UTRN: variants seen among roughly 807,000 people sequenced by gnomAD.
The protein encoded by UTRN is utrophin, also known as dystrophin-related protein 1.
UTRN carries 283 observed loss-of-function variants against 463.9 expected under a neutral mutation model. That is an observed-to-expected ratio of 0.61 (90% CI 0.55 to 0.67). UTRN has a LOEUF of 0.67. UTRN is among the 30% of genes least tolerant of loss of function. The pLI, the probability that UTRN is intolerant of heterozygous loss-of-function variation, is 0.00. For missense variants in UTRN, 3,922 were observed against 4,084.3 expected (o/e 0.96, Z 1.08); for synonymous variants, 1,442 against 1,431.5 (o/e 1.01, Z -0.17).
chr6:144,475,125 G>A (rs1285279636), intron 25 of UTRN, among the ~76,000 whole-genome samples: 1 of 152,180 alleles, frequency 6.6e-6, no homozygotes. Context: ...CATTGAACAA[G>A]GAAGAAGAAA....
intron 53 of UTRN, among the ~76,000 whole-genome samples, chr6:144,725,088 C>T (rs1030984436): frequency 3.9e-5 from 6 of 152,160 alleles, no homozygotes; most frequent in Admixed American, 1.3e-4. Flanking sequence ...TAATAATCCC[C>T]GCATGTCATG....
At chr6:144,565,358 C>T (rs1468606549) in intron 50 of UTRN, among the ~76,000 whole-genome samples, 2 of 152,158 alleles carry the variant, frequency 1.3e-5, no homozygotes, top group African/African-American at 4.8e-5. Context: ...TAATCTGGAA[C>T]TCAGATGTTC....
intron 51 of UTRN, among the ~76,000 whole-genome samples, chr6:144,586,844 G>A (rs1369011092): frequency 2.0e-5 from 3 of 152,040 alleles, no homozygotes; most frequent in Non-Finnish European, 4.4e-5. Flanking sequence ...CGTGACTCAA[G>A]CATTTTAGAA....
chr6:144,806,847 A>ATTG (rs1778193355), intron 65 of UTRN, among the ~76,000 whole-genome samples: 3 of 102,162 alleles, frequency 2.9e-5, no homozygotes, highest in African/African-American at 6.7e-5. Context: ...CTCAATGTAG[A>ATTG]AAACAGGAAA....
chr6:144,487,654 A>C lies in UTRN; in HGVS notation c.3929A>C (p.Lys1310Thr), dbSNP rs1161804346. ...GGILDDIISE[K>T]LEAFNSRYED... ...ATCCTGGATGATATAATCAGTGAGAAACTGGAGGCTTTCAACAGCCGATAT... is the reference window on the plus strand; with the variant it reads ...ATCCTGGATGATATAATCAGTGAGACACTGGAGGCTTTCAACAGCCGATAT... The change falls in exon 29 of 75, where the codon AAA (lysine) becomes ACA (threonine). Residue 1310 changes from lysine to threonine, a missense_variant. Lys to Thr is a moderately conservative substitution (Grantham distance 78). Transcript: ENST00000367545. The C allele has an allele frequency of 3.1e-6, 5 of 1,612,868 alleles. No individual in the cohort carries two copies. The South Asian group carries it at 5.5e-5, about 18-fold the overall frequency.
At chr6:144,545,172 C>T (rs868685045) in intron 46 of UTRN, among the ~76,000 whole-genome samples, 4 of 152,162 alleles carry the variant, frequency 2.6e-5, no homozygotes, top group South Asian at 2.1e-4. Context: ...CACCTACTTC[C>T]GTGGTCTTGA....
intron 51 of UTRN, among the ~76,000 whole-genome samples, chr6:144,653,213 T>C (rs1054840607): frequency 6.6e-6 from 1 of 152,154 alleles, no homozygotes; most frequent in African/African-American, 2.4e-5. Flanking sequence ...TAACTACATA[T>C]CACTCCCCCC....
At chr6:144,428,223 A>G (rs6570628) in intron 7 of UTRN, among the ~76,000 whole-genome samples, 140,248 of 152,232 alleles carry the variant, frequency 0.92, 64,706 homozygotes, top group Middle Eastern at 0.96. Context: ...GCATGGAAGC[A>G]GGGGATTGGA....
chr6:144,496,817 T>G (rs1315212998), intron 33 of UTRN, among the ~76,000 whole-genome samples: 1 of 152,184 alleles, frequency 6.6e-6, no homozygotes, highest in Non-Finnish European at 1.5e-5. Context: ...AAGGCTTCCC[T>G]GAGGAGGTGA....
chr6:144,331,079 C>A, intron 2 of UTRN: 1 of 941,600 alleles, frequency 1.1e-6, no homozygotes, highest in Non-Finnish European at 1.3e-6. Context: ...TGAAAGGAAG[C>A]CGAGGCATGA....
At chr6:144,351,952 C>T (rs1778147234) in intron 2 of UTRN, among the ~76,000 whole-genome samples, 2 of 152,200 alleles carry the variant, frequency 1.3e-5, no homozygotes, top group African/African-American at 4.8e-5. Flanking sequence ...TTTCTCCTGG[C>T]TCAGCCAGTC....
rs530518657 is a variant in UTRN at position 144,574,127 on chromosome 6, A to G, written c.7290-2972A>G. On this transcript the variant is annotated intron_variant, in intron 50 of 74. Coordinates refer to ENST00000367545, the MANE Select transcript of UTRN (RefSeq NM_007124.3). ...GTGGACACAATATTAAGAATATTCT[A>G]GAGAAAAAGGAGCACACCACTATTA... is the stretch of plus-strand genomic sequence containing the variant. 4.5e-4 allele frequency among the ~76,000 whole-genome samples: 69 copies of G among 152,332 alleles called. No individual in the cohort carries two copies. In the South Asian group the frequency reaches 0.014, roughly 31 times the overall value.
chr6:144,451,104 T>TC (rs1788248835), intron 17 of UTRN, among the ~76,000 whole-genome samples: 1 of 151,736 alleles, frequency 6.6e-6, no homozygotes, highest in Non-Finnish European at 1.5e-5. Flanking sequence ...AGGGCGAGAC[T>TC]CCATCTCGAA....
At chr6:144,542,068 C>A (rs779418944) in intron 45 of UTRN, among the ~76,000 whole-genome samples, 39 of 152,148 alleles carry the variant, frequency 2.6e-4, no homozygotes, top group Non-Finnish European at 5.4e-4. Context: ...CAATCTACCA[C>A]TTTGAGGGTA....
intron 18 of UTRN, 117 bp from the exon 19 acceptor site, chr6:144,453,665 T>A: frequency 1.2e-6 from 1 of 804,182 alleles, no homozygotes; most frequent in Non-Finnish European, 1.9e-6. Context: ...ACGTTTGAAT[T>A]TACCTTTTCA....
intron 51 of UTRN, among the ~76,000 whole-genome samples, chr6:144,624,051 C>T (rs75883016): frequency 0.035 from 5,274 of 151,980 alleles, 327 homozygotes; most frequent in African/African-American, 0.12. Context: ...TGCTGGGTTC[C>T]TAAAGGTAGA....
In UTRN at chr6:144,493,355, A is replaced by G. The variant is rs1199539854; in HGVS notation, c.4492A>G (p.Thr1498Ala). 1.2e-6 allele frequency: 2 copies of G among 1,614,066 alleles called. No homozygotes were observed. The highest frequency in any genetic ancestry group is 1.7e-6 in the Non-Finnish European group (2 of 1,180,006). The change falls in exon 33 of 75, where the codon ACA (threonine) becomes GCA (alanine). Residue 1498 changes from threonine to alanine, a missense_variant. Physicochemically the swap from Thr to Ala is moderately conservative, Grantham distance 58. This residue lies in a region of UTRN where 2,349 missense variants were observed against 2,303.8 expected (regional missense o/e 1.02). Transcript: ENST00000367545. ...VKLEVETVIK[T>A]GRHIVQKQQT... ...ACTTGAAGTGGAAACTGTGATTAAA[A>G]CAGGAAGACATATTGTCCAGAAACA...
At chr6:144,484,396 T>C (rs1792203562) in intron 27 of UTRN, among the ~76,000 whole-genome samples, 1 of 151,714 alleles carries the variant, frequency 6.6e-6, no homozygotes, top group African/African-American at 2.4e-5. Context: ...AAATTTACAA[T>C]TGGGAGCAAT....
intron 63 of UTRN, among the ~76,000 whole-genome samples, chr6:144,795,280 AT>A (rs1218056974): frequency 6.6e-6 from 1 of 152,106 alleles, no homozygotes; most frequent in East Asian, 1.9e-4. Context: ...ATTGATGGGC[AT>A]TTGGGTTGGT....
Sources: gnomAD v4.1 joint callset for allele counts (sites outside exome capture counted in the v4.1 genomes callset) on GRCh38, gnomAD v4.1.1 for gene constraint, gnomAD v4.1.1 regional missense constraint, MANE v1.5 for transcripts, NCBI Gene and HGNC (gene_info 2026-07-23, HGNC 2026-07-21) for gene names.